Variants in ZFAND3 observed in about 807,000 individuals in gnomAD.
ZFAND3 encodes the protein AN1-type zinc finger protein 3.
Under a neutral mutation model 29.6 loss-of-function variants are expected in ZFAND3, and 10 were observed. The observed-to-expected ratio is 0.34, with a 90% CI of 0.21 to 0.57. The LOEUF (loss-of-function observed/expected upper bound fraction) is 0.57. Among genes scored for constraint, ZFAND3 ranks in the 20% least tolerant of loss-of-function variants. ZFAND3 has a pLI of 0.86. For synonymous variants in ZFAND3, 128 were observed against 112.6 expected (o/e 1.14, Z -0.87); for missense variants, 230 against 304.5 (o/e 0.76, Z 1.82).
intron 1 of ZFAND3, among the ~76,000 whole-genome samples, chr6:37,853,537 G>A (rs1043459091): frequency 1.3e-5 from 2 of 151,666 alleles, no homozygotes; most frequent in East Asian, 3.9e-4. Flanking sequence ...AAATATTTTT[G>A]GGGGGTTAAC....
At chr6:37,923,571 A>G (rs1761424692) in intron 1 of ZFAND3, among the ~76,000 whole-genome samples, 1 of 152,262 alleles carries the variant, frequency 6.6e-6, no homozygotes, top group Non-Finnish European at 1.5e-5. Context: ...AAAGTATAGT[A>G]AATACACAAA....
chr6:37,982,477 A>C (rs1762596515), intron 2 of ZFAND3, among the ~76,000 whole-genome samples: 1 of 152,202 alleles, frequency 6.6e-6, no homozygotes, highest in Non-Finnish European at 1.5e-5. Flanking sequence ...TCAAGGGCAG[A>C]CCACATATGC....
chr6:38,034,830 CTTTTAATTTGAT>C lies in ZFAND3; in HGVS notation c.113-26762_113-26751del, dbSNP rs147124857. On this transcript the variant is annotated intron_variant, in intron 2 of 5. Transcript: ENST00000287218. ...TTTTTGATTAATACTTCAAATTTGA[CTTTTAATTTGAT>C]ACATACAATTGTTCTCATACCACTT... Among the ~76,000 whole-genome samples the C allele has an allele frequency of 0.017, 2,590 of 151,362 alleles. 250 individuals are homozygous for C. In the East Asian group the frequency reaches 0.28, roughly 16 times the overall value.
chr6:38,090,817 ATAAT>A (rs1324346950), intron 4 of ZFAND3, among the ~76,000 whole-genome samples: 3 of 152,232 alleles, frequency 2.0e-5, no homozygotes, highest in Admixed American at 2.0e-4. Flanking sequence ...CAATATGTAA[ATAAT>A]AGGTGGGTTT....
chr6:38,051,783 A>G (rs1369208547), intron 2 of ZFAND3, among the ~76,000 whole-genome samples: 8 of 152,260 alleles, frequency 5.3e-5, no homozygotes, highest in African/African-American at 1.9e-4. Context: ...TGTTTTCAAA[A>G]AATTGACATA....
intron 2 of ZFAND3, 123 bp from the exon 3 acceptor site, chr6:38,061,470 G>C: frequency 8.4e-7 from 1 of 1,190,020 alleles, no homozygotes; most frequent in Non-Finnish European, 1.2e-6. Context: ...TGGTTTTTTA[G>C]TCACCCAGAT....
In ZFAND3 at chr6:37,958,756, G is replaced by A. The variant is rs530549182; in HGVS notation, c.112+28757G>A. On this transcript the variant is annotated intron_variant, in intron 2 of 5. Coordinates refer to ENST00000287218, the MANE Select transcript of ZFAND3 (RefSeq NM_021943.3). ...ACCGCCCCCCCCTTCCCCACCCACC[G>A]ACGGACAAAATGTACCTTGTGTTTA... Among the ~76,000 whole-genome samples the A allele has an allele frequency of 3.2e-3, 420 of 132,420 alleles. 2 individuals carry two copies. Among genetic ancestry groups the A allele is most frequent in the African/African-American group, 0.011 (398 of 35,528 alleles). The allele number at this position is 132,420 out of a possible 152,430, so 86.9% of individuals were successfully genotyped here.
intron 1 of ZFAND3, among the ~76,000 whole-genome samples, chr6:37,900,835 A>G (rs906270551): frequency 6.6e-6 from 1 of 152,258 alleles, no homozygotes; most frequent in South Asian, 2.1e-4. Flanking sequence ...ATTGGTGATC[A>G]ATACTAGGAG....
chr6:37,837,931 C>T (rs190537660), intron 1 of ZFAND3, among the ~76,000 whole-genome samples: 25 of 152,228 alleles, frequency 1.6e-4, no homozygotes, highest in Non-Finnish European at 2.5e-4. Flanking sequence ...ATAAATATTA[C>T]GGCAACTTGA....
At chr6:38,015,640 GA>G (rs1763240639) in intron 2 of ZFAND3, among the ~76,000 whole-genome samples, 2 of 152,154 alleles carry the variant, frequency 1.3e-5, no homozygotes, top group African/African-American at 4.8e-5. Context: ...AAACATGGTT[GA>G]ATTAAAAAAC....
At chr6:38,095,520 G>A (rs753748169) in intron 4 of ZFAND3, among the ~76,000 whole-genome samples, 5 of 151,422 alleles carry the variant, frequency 3.3e-5, no homozygotes, top group East Asian at 3.9e-4. Flanking sequence ...TTTTCCTAGC[G>A]CCTACCGGTC....
At chr6:38,101,772 C>CAAAAAAAA (rs57491627) in intron 4 of ZFAND3, among the ~76,000 whole-genome samples, 2 of 42,720 alleles carry the variant, frequency 4.7e-5, no homozygotes, top group African/African-American at 7.7e-5. Flanking sequence ...GACTCCCTCT[C>CAAAAAAAA]AAAAAAAAAA....
chr6:38,110,489 G>A (rs1318554440), intron 4 of ZFAND3, among the ~76,000 whole-genome samples: 1 of 152,118 alleles, frequency 6.6e-6, no homozygotes, highest in East Asian at 1.9e-4. Context: ...CAGTGAGAGT[G>A]TGGTATTTTT....
rs539600021 is a variant in ZFAND3, at chr6:38,012,363, T to C, written c.113-49230T>C. On this transcript the variant is annotated intron_variant, in intron 2 of 5. Coordinates refer to ENST00000287218, the MANE Select transcript of ZFAND3 (RefSeq NM_021943.3). ...TCATTACCCTGAAGAGCTTCCTCCT[T>C]TCTTTTTGATAGTATTTTTTTTTTT... 4.6e-5 allele frequency among the ~76,000 whole-genome samples: 7 copies of C among 151,204 alleles called. No individual in the cohort carries two copies. The South Asian group carries it at 1.5e-3, about 32-fold the overall frequency.
chr6:37,931,702 A>G (rs1761599712), intron 2 of ZFAND3, among the ~76,000 whole-genome samples: 2 of 152,190 alleles, frequency 1.3e-5, no homozygotes, highest in Admixed American at 6.5e-5. Flanking sequence ...AAGAGGGCTC[A>G]GAGGAGGCTG....
At chr6:37,982,393 T>TGGC (rs1762595408) in intron 2 of ZFAND3, among the ~76,000 whole-genome samples, 2 of 152,200 alleles carry the variant, frequency 1.3e-5, no homozygotes, top group South Asian at 4.2e-4. Context: ...TATTTGTAAA[T>TGGC]GACATAAGCA....
chr6:38,023,034 G>T (rs191956371), intron 2 of ZFAND3, among the ~76,000 whole-genome samples: 66 of 152,302 alleles, frequency 4.3e-4, no homozygotes, highest in African/African-American at 1.2e-3. Flanking sequence ...TAAAATCAAA[G>T]TTGCTACTAG....
At chr6:38,070,755 A>G (rs1764438850) in intron 3 of ZFAND3, among the ~76,000 whole-genome samples, 1 of 152,204 alleles carries the variant, frequency 6.6e-6, no homozygotes, top group African/African-American at 2.4e-5. Context: ...GCATGGCAAT[A>G]TTACCTTCCA....
chr6:37,901,522 G>A (rs1272904580), intron 1 of ZFAND3, among the ~76,000 whole-genome samples: 2 of 152,178 alleles, frequency 1.3e-5, no homozygotes, highest in African/African-American at 4.8e-5. Context: ...GGCTGAGGTA[G>A]GAGGAGGATT....
Sources: allele counts gnomAD v4.1 joint callset (sites outside exome capture counted in the v4.1 genomes callset), GRCh38; gene constraint gnomAD v4.1.1; transcripts MANE v1.5; gene names NCBI Gene and HGNC (gene_info 2026-07-23, HGNC 2026-07-21).